DST: variants seen among roughly 807,000 people sequenced by gnomAD.
The protein encoded by DST is dystonin, also known as bullous pemphigoid antigen.
Under a neutral mutation model 875.2 loss-of-function variants are expected in DST, and 253 were observed. That is an observed-to-expected ratio of 0.29 (90% CI 0.26 to 0.32). The LOEUF (loss-of-function observed/expected upper bound fraction) is 0.32. Among genes scored for constraint, DST ranks in the 10% least tolerant of loss-of-function variants. DST has a pLI of 1.00. For missense variants in DST, 8,287 were observed against 9,111.6 expected (o/e 0.91, Z 3.68); for synonymous variants, 3,124 against 3,197.1 (o/e 0.98, Z 0.77).
intron 55 of DST, 46 bp downstream of exon 55, chr6:56,568,423 A>C: frequency 6.4e-7 from 1 of 1,568,432 alleles, no homozygotes; most frequent in Non-Finnish European, 8.6e-7. Context: ...TGACATGAGT[A>C]AACCTGATTC....
At chr6:56,738,820 G>C (rs191443697) in intron 4 of DST, among the ~76,000 whole-genome samples, 1 of 151,172 alleles carries the variant, frequency 6.6e-6, no homozygotes, top group Non-Finnish European at 1.5e-5. Flanking sequence ...ATGGGGTTTC[G>C]TCATGTTGCC....
chr6:56,482,643 T>C lies in DST; in HGVS notation c.21402+40A>G, dbSNP rs760705285. On this transcript the variant is annotated intron_variant, in intron 89 of 103. Coordinates refer to ENST00000680361, the MANE Select transcript of DST (RefSeq NM_001374736.1). ...ATAGTTCTTGTTGAGGTTTCAATAC[T>C]TTTCCCATTACACCCAGCTCTCATT... 3.8e-6 allele frequency: 6 copies of C among 1,581,524 alleles called. 1 individual carries two copies. The highest frequency in any genetic ancestry group is 4.5e-5 in the East Asian group (2 of 44,180).
intron 4 of DST, among the ~76,000 whole-genome samples, chr6:56,780,029 T>C (rs1353151493): frequency 1.3e-5 from 2 of 151,420 alleles, no homozygotes; most frequent in East Asian, 1.9e-4. Context: ...TCCAATTTCA[T>C]CCATGTCCCT....
chr6:56,841,737 T>G lies in DST; in HGVS notation c.625+9660A>C, dbSNP rs1254375421. 3.9e-5 allele frequency among the ~76,000 whole-genome samples: 6 copies of G among 152,220 alleles called. No individual in the cohort carries two copies. In the East Asian group the frequency reaches 1.2e-3, roughly 29 times the overall value. ...CTTCAATAAGGTTTGTTGGTCTATA[T>G]TGCAATATTTCTCCTTTTCAAAGCT... On this transcript the variant is annotated intron_variant, in intron 4 of 103. Coordinates refer to ENST00000680361, the MANE Select transcript of DST (RefSeq NM_001374736.1).
chr6:56,711,135 A>G (rs2099361721), intron 5 of DST, among the ~76,000 whole-genome samples: 1 of 152,206 alleles, frequency 6.6e-6, no homozygotes, highest in Non-Finnish European at 1.5e-5. Flanking sequence ...TCTATAATCA[A>G]TTAAAATGCA....
At chr6:56,619,035 A>C (rs770687327) in intron 36 of DST, 1 of 1,614,172 alleles carries the variant, frequency 6.2e-7, no homozygotes, top group Non-Finnish European at 8.5e-7. Context: ...TGTTGGTCAC[A>C]CTTTTGCTTA....
At chr6:56,773,053 T>C (rs1364217739) in intron 4 of DST, among the ~76,000 whole-genome samples, 2 of 152,078 alleles carry the variant, frequency 1.3e-5, no homozygotes, top group African/African-American at 4.8e-5. Context: ...CCAACAAGCA[T>C]GTGAGTAAGC....
chr6:56,746,687 C>T (rs918299818), intron 4 of DST, among the ~76,000 whole-genome samples: 1 of 152,116 alleles, frequency 6.6e-6, no homozygotes, highest in Non-Finnish European at 1.5e-5. Context: ...TCTCATTCTA[C>T]ATATTTCCAG....
At chr6:56,588,921 C>T (rs750099164) in intron 49 of DST, among the ~76,000 whole-genome samples, 49 of 151,964 alleles carry the variant, frequency 3.2e-4, no homozygotes, top group Non-Finnish European at 6.0e-4. Flanking sequence ...AGTTTAATTA[C>T]GGGAAGTGTA....
chr6:56,761,137 C>T (rs1343931505), intron 4 of DST, among the ~76,000 whole-genome samples: 3 of 152,232 alleles, frequency 2.0e-5, no homozygotes, highest in Non-Finnish European at 2.9e-5. Flanking sequence ...GAGAGGCCCA[C>T]GTGGCAAGGG....
intron 102 of DST, 27 bp from the exon 103 acceptor site, chr6:56,460,281 T>C (rs2094261000): frequency 3.1e-6 from 5 of 1,613,444 alleles, no homozygotes; most frequent in African/African-American, 1.3e-5. Flanking sequence ...ACAAGACATT[T>C]CAAAATATTG....
At position 56,642,050 on chromosome 6, in the gene DST, C is replaced by G; in HGVS notation, c.1924G>C (p.Ala642Pro). The G allele has an allele frequency of 6.2e-7, 1 of 1,612,972 alleles. No homozygotes were observed. The highest frequency in any genetic ancestry group is 8.5e-7 in the Non-Finnish European group (1 of 1,179,192). The change falls in exon 17 of 104, where the codon GCT becomes CCT. Residue 642 changes from alanine (A) to proline (P), a missense_variant. Physicochemically the swap from Ala to Pro is conservative, Grantham distance 27. This residue lies in a region of DST where 1,160 missense variants were observed against 1,424.3 expected (regional missense o/e 0.81). Transcript: ENST00000680361. ...GVQFQNEAEI[A>P]GYILECENLL... is the part of the protein sequence containing the mutation. ...TTCTCACATTCAAGTATATACCCAGCAATTTCTGCTTCATTCTGAAACTGC... is the reference window on the plus strand; with the variant it reads ...TTCTCACATTCAAGTATATACCCAGGAATTTCTGCTTCATTCTGAAACTGC...
Position 56,552,998 on chromosome 6 carries a change from T to A in DST, c.15794A>T (p.Lys5265Ile). 1.2e-6 allele frequency: 2 copies of A among 1,614,000 alleles called. No individual in the cohort carries two copies. The highest frequency in any genetic ancestry group is 4.5e-5 in the East Asian group (2 of 44,890). ...DMVTEQLHSK[K>I]FCLENMTQKF... ...CTGAGTCATGTTCTCCAGACAGAAT[T>A]TCTTACTGTGAAGTTGTTCAGTGAC... Residue 5265 changes from lysine to isoleucine, a missense_variant, in exon 61 of 104, where the codon AAA (lysine) becomes ATA (isoleucine). Around this residue, in one of 10 missense-constraint regions of DST, gnomAD observed 1,513 missense variants for 1,677.8 expected, o/e 0.90. Transcript: ENST00000680361.
intron 2 of DST, among the ~76,000 whole-genome samples, chr6:56,921,656 T>G (rs1234123905): frequency 2.0e-5 from 3 of 152,198 alleles, no homozygotes; most frequent in Admixed American, 2.0e-4. Context: ...AAATCTGTTT[T>G]ACATAATATA....
intron 69 of DST, among the ~76,000 whole-genome samples, chr6:56,524,613 T>C (rs763915668): frequency 6.6e-6 from 1 of 152,118 alleles, no homozygotes; most frequent in African/African-American, 2.4e-5. Context: ...TGTGTGTCTA[T>C]GTAGCCTTAT....
intron 4 of DST, among the ~76,000 whole-genome samples, chr6:56,811,184 A>C (rs62411383): frequency 2.9e-5 from 2 of 69,680 alleles, no homozygotes; most frequent in African/African-American, 1.5e-4. Context: ...ACCCTGTCTC[A>C]AAAAAAAAAA....
chr6:56,527,689 G>T lies in DST; in HGVS notation c.17726C>A (p.Ala5909Glu). 1 of 1,609,308 alleles carries T rather than the reference G, an allele frequency of 6.2e-7. No individual in the cohort carries two copies. Among genetic ancestry groups the T allele is most frequent in the African/African-American group, 1.3e-5 (1 of 74,886 alleles). ...IIQDKLEAIK[A>E]RYKDITKLST... ...CAGTTTAGTAATGTCTTTGTACCTT[G>T]CTTTAATGGCTTCCAATTTATCTTG... The change falls in exon 68 of 104, where the codon GCA becomes GAA. Residue 5909 changes from alanine to glutamate, a missense_variant. Around this residue, in one of 10 missense-constraint regions of DST, gnomAD observed 777 missense variants for 764.8 expected, o/e 1.02. Transcript: ENST00000680361.
chr6:56,747,311 T>A (rs185958517), intron 4 of DST, among the ~76,000 whole-genome samples: 1 of 152,316 alleles, frequency 6.6e-6, no homozygotes, highest in African/African-American at 2.4e-5. Flanking sequence ...TACCACTATC[T>A]GCTCTCCCAG....
intron 50 of DST, among the ~76,000 whole-genome samples, chr6:56,576,714 G>A (rs1282629761): frequency 6.6e-6 from 1 of 152,104 alleles, no homozygotes; most frequent in Non-Finnish European, 1.5e-5. Context: ...GAGCCCGTGT[G>A]AATGGGATTA....
Sources: gnomAD v4.1 joint callset for allele counts (sites outside exome capture counted in the v4.1 genomes callset) on GRCh38, gnomAD v4.1.1 for gene constraint, gnomAD v4.1.1 regional missense constraint, MANE v1.5 for transcripts, NCBI Gene and HGNC (gene_info 2026-07-23, HGNC 2026-07-21) for gene names.